C1GALT1: variants seen among roughly 807,000 people sequenced by gnomAD.
C1GALT1 encodes the protein glycoprotein-N-acetylgalactosamine 3-beta-galactosyltransferase 1.
C1GALT1 carries 11 observed loss-of-function variants against 31.0 expected under a neutral mutation model. That is an observed-to-expected ratio of 0.36 (90% CI 0.22 to 0.59). The LOEUF is 0.59. Ranked by LOEUF, C1GALT1 falls within the 20% of genes least tolerant of loss-of-function variation. The probability of loss-of-function intolerance (pLI) is 0.79; values close to 1 mark genes in which losing one functional copy is unlikely to be tolerated. For synonymous variants in C1GALT1, 175 were observed against 143.6 expected (o/e 1.22, Z -1.56); for missense variants, 424 against 425.2 (o/e 1.00, Z 0.03).
upstream of C1GALT1, among the ~76,000 whole-genome samples, chr7:7,180,603 A>G (rs11974698): frequency 0.1 from 15,792 of 152,270 alleles, 852 homozygotes; most frequent in East Asian, 0.21. Flanking sequence ...AGATGCCTAG[A>G]AGAATGTAAC....
intron 1 of C1GALT1, among the ~76,000 whole-genome samples, chr7:7,188,448 A>T (rs1055253025): frequency 6.6e-6 from 1 of 152,174 alleles, no homozygotes; most frequent in Non-Finnish European, 1.5e-5. Context: ...ATTTTGTTTG[A>T]CAAGTGTGGA....
At chr7:7,208,299 T>C (rs746771808) in intron 1 of C1GALT1, among the ~76,000 whole-genome samples, 5 of 152,134 alleles carry the variant, frequency 3.3e-5, no homozygotes, top group Non-Finnish European at 7.4e-5. Context: ...TTGTCATGAT[T>C]TTTTTTATTA....
chr7:7,201,761 C>T (rs1562570079), intron 1 of C1GALT1, among the ~76,000 whole-genome samples: 4 of 152,214 alleles, frequency 2.6e-5, no homozygotes, highest in South Asian at 4.1e-4. Context: ...CCCCCTCCCC[C>T]GAGGAAGTAA....
chr7:7,230,727 A>AT (rs372298046), intron 1 of C1GALT1, among the ~76,000 whole-genome samples: 2 of 145,564 alleles, frequency 1.4e-5, no homozygotes, highest in Non-Finnish European at 3.0e-5. Flanking sequence ...TTGTTTAAAG[A>AT]TTATATTAGA....
chr7:7,172,289 T>G (rs746699094), intron 2 of C1GALT1, among the ~76,000 whole-genome samples: 8 of 152,238 alleles, frequency 5.3e-5, no homozygotes, highest in African/African-American at 1.2e-4. Flanking sequence ...CTGGCTTCCA[T>G]GTTTTCTGAT....
intron 3 of C1GALT1, 127 bp downstream of exon 3, chr7:7,239,049 A>G: frequency 1.3e-6 from 1 of 749,904 alleles, no homozygotes; most frequent in Non-Finnish European, 2.1e-6. Context: ...CTTTTTAAAT[A>G]GAGTGGCAGT....
intron 1 of C1GALT1, among the ~76,000 whole-genome samples, chr7:7,203,091 G>T (rs1781587943): frequency 1.0e-5 from 1 of 100,502 alleles, no homozygotes; most frequent in Non-Finnish European, 1.8e-5. Flanking sequence ...AGTTCTAACA[G>T]GTTTTTTTTT....
At chr7:7,236,251 C>T (rs993581641) in intron 2 of C1GALT1, among the ~76,000 whole-genome samples, 21 of 152,120 alleles carry the variant, frequency 1.4e-4, no homozygotes, top group African/African-American at 5.1e-4. Flanking sequence ...ATCTCCTATG[C>T]CAGCCCATGC....
At chr7:7,186,402 G>A (rs1780818511) in intron 1 of C1GALT1, among the ~76,000 whole-genome samples, 1 of 152,198 alleles carries the variant, frequency 6.6e-6, no homozygotes, top group Non-Finnish European at 1.5e-5. Flanking sequence ...CTTACATTCT[G>A]AAACACGGGT....
chr7:7,161,537 C>T (rs544316340), intron 2 of C1GALT1, among the ~76,000 whole-genome samples: 24 of 152,116 alleles, frequency 1.6e-4, no homozygotes, highest in South Asian at 6.2e-4. Context: ...AAATAACTAC[C>T]ATTTATTGAA....
At position 7,238,055 on chromosome 7, in the gene C1GALT1, G is replaced by A. The variant is rs545057777; in HGVS notation, c.221-200G>A. On this transcript the variant is annotated intron_variant, in intron 2 of 3. Transcript: ENST00000436587. The surrounding 1 kb of genome is among the most constrained non-coding windows in gnomAD (Gnocchi z 5.2). Reference sequence around the variant, plus strand: ...GTCAACTCTTACTAGCTCCAGTGATGTCCTAGATAACACTGACATGAAACC... The same window carrying A: ...GTCAACTCTTACTAGCTCCAGTGATATCCTAGATAACACTGACATGAAACC... 6.6e-6 allele frequency among the ~76,000 whole-genome samples: 1 copy of A among 152,278 alleles called. No homozygotes were observed. The highest frequency in any genetic ancestry group is 2.1e-4 in the South Asian group (1 of 4,824).
chr7:7,234,272 T>A, intron 1 of C1GALT1, 31 bp from the exon 2 acceptor site: 1 of 1,529,660 alleles, frequency 6.5e-7, no homozygotes, highest in Non-Finnish European at 9.0e-7. Context: ...GCTTTGATTT[T>A]ATAACATCCT....
At chr7:7,186,987 A>G (rs1780843215) in intron 1 of C1GALT1, among the ~76,000 whole-genome samples, 2 of 152,182 alleles carry the variant, frequency 1.3e-5, no homozygotes, top group South Asian at 4.1e-4. Flanking sequence ...TTTTAAAAGG[A>G]TCATTGTGGC....
intron 1 of C1GALT1, 130 bp from the exon 2 acceptor site, chr7:7,234,173 A>G: frequency 1.5e-6 from 1 of 675,866 alleles, no homozygotes. Flanking sequence ...TAGAGGGGTA[A>G]ACTCATAGAT....
At chr7:7,198,195 AAG>A (rs1781380321) in intron 1 of C1GALT1, among the ~76,000 whole-genome samples, 1 of 151,930 alleles carries the variant, frequency 6.6e-6, no homozygotes, top group South Asian at 2.1e-4. Flanking sequence ...TTATTATTTT[AAG>A]ATATGTCCCA....
At chr7:7,174,594 A>AAC (rs999340300) in intron 2 of C1GALT1, among the ~76,000 whole-genome samples, 4 of 152,052 alleles carry the variant, frequency 2.6e-5, no homozygotes, top group African/African-American at 9.7e-5. Context: ...AAAGAAAAAA[A>AAC]AAAAGTAGCT....
rs530324928 is a variant in C1GALT1, at chr7:7,234,573, C to T, written c.220+34C>T. 5.3e-6 allele frequency: 8 copies of T among 1,513,176 alleles called. No homozygotes were observed. The East Asian group carries it at 1.6e-4, about 30-fold the overall frequency. 93.7% of individuals were successfully genotyped at this position (1,513,176 alleles called of 1,614,324 possible). On this transcript the variant is annotated intron_variant, in intron 2 of 3. Transcript: ENST00000436587. ...TACTTTATTAAGCAGTAAACATAAG[C>T]AGTATTTTAGTCTAAATTTTGTCAT...
At chr7:7,205,602 C>G (rs1056463689) in intron 1 of C1GALT1, among the ~76,000 whole-genome samples, 1 of 152,086 alleles carries the variant, frequency 6.6e-6, no homozygotes, top group Non-Finnish European at 1.5e-5. Flanking sequence ...CCATGTTGTT[C>G]AAGGGTCAAC....
At chr7:7,221,995 C>T (rs1319799778) in intron 1 of C1GALT1, among the ~76,000 whole-genome samples, 1 of 152,178 alleles carries the variant, frequency 6.6e-6, no homozygotes, top group Non-Finnish European at 1.5e-5. Flanking sequence ...AGGGACTGAG[C>T]TAAAATTACC....
Sources: allele counts gnomAD v4.1 joint callset (sites outside exome capture counted in the v4.1 genomes callset), GRCh38; gene constraint gnomAD v4.1.1; non-coding constraint Gnocchi (gnomAD v3.1); transcripts MANE v1.5; gene names NCBI Gene and HGNC (gene_info 2026-07-23, HGNC 2026-07-21).